ENPP3: variants seen among roughly 807,000 people sequenced by gnomAD.
ENPP3 encodes the protein ectonucleotide pyrophosphatase/phosphodiesterase 3.
Under a neutral mutation model 117.8 loss-of-function variants are expected in ENPP3, and 104 were observed. The ratio of observed to expected loss-of-function variants is 0.88; its 90% confidence interval spans 0.75 to 1.04. ENPP3 has a LOEUF of 1.04. Among genes scored for constraint, ENPP3 ranks in the 50% least tolerant of loss-of-function variants. The pLI is 0.00. For missense variants in ENPP3, 1,026 were observed against 1,051.9 expected (o/e 0.98, Z 0.34); for synonymous variants, 380 against 349.9 (o/e 1.09, Z -0.96).
At chr6:131,677,292 G>A (rs1431453278) in intron 10 of ENPP3, among the ~76,000 whole-genome samples, 1 of 152,090 alleles carries the variant, frequency 6.6e-6, no homozygotes, top group East Asian at 1.9e-4. Flanking sequence ...CGAAAATGTG[G>A]TTGACATTAT....
intron 17 of ENPP3, among the ~76,000 whole-genome samples, chr6:131,721,411 A>C (rs758352068): frequency 6.6e-6 from 1 of 152,162 alleles, no homozygotes; most frequent in Non-Finnish European, 1.5e-5. Context: ...GGCTAGGTTT[A>C]TGGTCTGGAC....
intron 15 of ENPP3, chr6:131,701,219 G>A: frequency 7.7e-7 from 1 of 1,292,224 alleles, no homozygotes. Context: ...GGTGTGAGAG[G>A]AAGAAGTACA....
chr6:131,676,722 C>T lies in ENPP3; in HGVS notation c.873-14C>T, dbSNP rs1436755985. On this transcript the variant is annotated splice_polypyrimidine_tract_variant and intron_variant, in intron 9 of 24. Transcript: ENST00000357639. Reference sequence around the variant, plus strand: ...GATTCATTTTAAAGAATTATTTCTACCCTATTTTTTCAGAAGTGTCCCATT... The same window carrying T: ...GATTCATTTTAAAGAATTATTTCTATCCTATTTTTTCAGAAGTGTCCCATT... The T allele has an allele frequency of 1.6e-5, 24 of 1,533,922 alleles. No homozygotes were observed. The highest frequency in any genetic ancestry group is 6.7e-5 in the Admixed American group (4 of 59,798).
At chr6:131,741,629 T>C (rs1371944332) in intron 24 of ENPP3, among the ~76,000 whole-genome samples, 1 of 152,130 alleles carries the variant, frequency 6.6e-6, no homozygotes, top group Non-Finnish European at 1.5e-5. Flanking sequence ...TAGTAACTGA[T>C]TGGATACAAG....
chr6:131,733,816 T>C lies in ENPP3; in HGVS notation c.2089+93T>C, dbSNP rs1780339111. On this transcript the variant is annotated intron_variant, in intron 21 of 24. Coordinates refer to ENST00000357639, the MANE Select transcript of ENPP3 (RefSeq NM_005021.5). ...TTAAACATATACTCCCCACCAAAAC[T>C]ACCTGCTTGGGTAAGCTAGCTGCCT... The C allele has an allele frequency of 7.5e-6, 10 of 1,336,578 alleles. No individual in the cohort carries two copies. In the South Asian group the frequency reaches 1.4e-4, roughly 18 times the overall value. 82.8% of individuals were successfully genotyped at this position (1,336,578 alleles called of 1,614,324 possible).
chr6:131,733,743 A>G lies in ENPP3; in HGVS notation c.2089+20A>G. ...CTCCTGGTTAGTAGAACTCTTTTTT[A>G]GAGCAGTAGCTTAGAAAGCTCTCAT... On this transcript the variant is annotated intron_variant, in intron 21 of 24. Transcript: ENST00000357639. 1 of 1,611,778 alleles carries G rather than the reference A, an allele frequency of 6.2e-7. No individual in the cohort carries two copies. Among genetic ancestry groups the G allele is most frequent in the Non-Finnish European group, 8.5e-7 (1 of 1,178,114 alleles).
chr6:131,667,100 G>T (rs1179281080), intron 6 of ENPP3, among the ~76,000 whole-genome samples: 1 of 151,952 alleles, frequency 6.6e-6, no homozygotes, highest in African/African-American at 2.4e-5. Context: ...GAAAAGTTGG[G>T]GTCTGGATTT....
intron 24 of ENPP3, among the ~76,000 whole-genome samples, chr6:131,742,712 A>C (rs1451181964): frequency 6.6e-6 from 1 of 152,056 alleles, no homozygotes; most frequent in Non-Finnish European, 1.5e-5. Flanking sequence ...TATAAGTTCC[A>C]GGTCAATTGG....
intron 11 of ENPP3, among the ~76,000 whole-genome samples, chr6:131,680,323 G>A (rs1778997413): frequency 6.6e-6 from 1 of 152,204 alleles, no homozygotes; most frequent in Non-Finnish European, 1.5e-5. Context: ...TTTCTATCAT[G>A]TGCCAGCAGG....
chr6:131,645,725 C>A (rs1384242208), intron 2 of ENPP3, among the ~76,000 whole-genome samples: 1 of 152,066 alleles, frequency 6.6e-6, no homozygotes, highest in Non-Finnish European at 1.5e-5. Flanking sequence ...GAAGGTATTA[C>A]TTTACTGTCT....
chr6:131,693,714 C>T, intron 15 of ENPP3, 90 bp downstream of exon 15: 1 of 1,301,074 alleles, frequency 7.7e-7, no homozygotes, highest in Non-Finnish European at 1.1e-6. Context: ...ATTATCATCA[C>T]TGTGAATTTT....
At chr6:131,699,235 C>CAAAAAAAAAAAAAAAAAAAAA (rs4053087) in intron 15 of ENPP3, among the ~76,000 whole-genome samples, 8 of 107,958 alleles carry the variant, frequency 7.4e-5, no homozygotes, top group East Asian at 5.1e-4. Context: ...AAGACTGTCT[C>CAAAAAAAAAAAAAAAAAAAAA]AAAAAAAAAA....
intron 3 of ENPP3, among the ~76,000 whole-genome samples, chr6:131,651,419 A>C (rs937250995): frequency 6.6e-6 from 1 of 152,202 alleles, no homozygotes; most frequent in Admixed American, 6.5e-5. Flanking sequence ...GCTATGGTAA[A>C]TGAAATGCTG....
intron 6 of ENPP3, among the ~76,000 whole-genome samples, chr6:131,667,169 G>A (rs563990310): frequency 5.3e-5 from 8 of 151,642 alleles, no homozygotes; most frequent in Non-Finnish European, 8.8e-5. Flanking sequence ...TTTTCTCTGT[G>A]CTGTGCCAGG....
chr6:131,683,015 A>C, intron 11 of ENPP3, 39 bp from the exon 12 acceptor site: 6 of 1,217,932 alleles, frequency 4.9e-6, no homozygotes, highest in Non-Finnish European at 7.3e-6. Context: ...TAATTAAGAC[A>C]ACTCATTACG....
Position 131,746,903 on chromosome 6 carries a change from T to C in ENPP3, c.2575T>C (p.Ser859Pro), listed in dbSNP as rs753937618. The C allele has an allele frequency of 6.8e-6, 11 of 1,611,628 alleles. No homozygotes were observed. Among genetic ancestry groups the C allele is most frequent in the African/African-American group, 1.3e-5 (1 of 74,864 alleles). The change falls in exon 25 of 25, where the codon TCT (serine) becomes CCT (proline). Residue 859 changes from serine (S) to proline (P), a missense_variant. Transcript: ENST00000357639. ...CTATCAGGATAAAGTGCAGCCTGTC[T>C]CTGAAATTTTGCAACTAAAGACATA... ...DFYQDKVQPV[S>P]EILQLKTYLP...
At chr6:131,701,493 T>C (rs1279443001) in intron 15 of ENPP3, 5 of 603,924 alleles carry the variant, frequency 8.3e-6, no homozygotes, top group Middle Eastern at 5.2e-4. Context: ...CACTCTTTGG[T>C]GAAGTAGAAA....
At chr6:131,701,922 A>G (rs1323062937) in intron 15 of ENPP3, among the ~76,000 whole-genome samples, 2 of 151,814 alleles carry the variant, frequency 1.3e-5, no homozygotes, top group African/African-American at 4.8e-5. Flanking sequence ...AAACGCGTGC[A>G]CACGTATACA....
At chr6:131,718,596 TA>T in intron 15 of ENPP3, 75 bp from the exon 16 acceptor site, 1 of 658,330 alleles carries the variant, frequency 1.5e-6, no homozygotes, top group South Asian at 3.0e-5. Flanking sequence ...AGAAACTATA[TA>T]AAATTAGTTA....
Sources: allele counts gnomAD v4.1 joint callset (sites outside exome capture counted in the v4.1 genomes callset), GRCh38; gene constraint gnomAD v4.1.1; transcripts MANE v1.5; gene names NCBI Gene and HGNC (gene_info 2026-07-23, HGNC 2026-07-21).